The following C12orf42 variants were observed in gnomAD, a reference collection of about 807,000 sequenced individuals.
C12orf42 encodes uncharacterized protein C12orf42.
Under a neutral mutation model 21.6 loss-of-function variants are expected in C12orf42, and 25 were observed. That is an observed-to-expected ratio of 1.16 (90% CI 0.84 to 1.62). C12orf42 has a LOEUF of 1.62. C12orf42 is among the 40% of genes most tolerant of loss of function. C12orf42 has a pLI of 0.00. For synonymous variants in C12orf42, 174 were observed against 175.0 expected, an observed-to-expected ratio of 0.99 and a Z score of 0.05; for missense variants, 483 against 459.3, an observed-to-expected ratio of 1.05 and a Z score of -0.47.
At chr12:103,181,661 A>G in the C12orf42 span, among the ~76,000 whole-genome samples, 1 of 152,378 alleles carries the variant, frequency 6.6e-6, no homozygotes, top group Admixed American at 6.5e-5. Context: ...CTGTGAAAGT[A>G]CCAGAATGAT....
the C12orf42 span, among the ~76,000 whole-genome samples, chr12:103,165,682 C>G: frequency 6.6e-6 from 1 of 152,146 alleles, no homozygotes; most frequent in Non-Finnish European, 1.5e-5. Flanking sequence ...AAATAGCAGT[C>G]ACAAAGCCAG....
At chr12:103,118,726 A>T in the C12orf42 span, among the ~76,000 whole-genome samples, 1 of 136,716 alleles carries the variant, frequency 7.3e-6, no homozygotes, top group East Asian at 2.4e-4. Context: ...TGAGCCCGGA[A>T]GGCAGAGCTT....
At chr12:103,439,392 A>C (rs1401533105) in intron 2 of C12orf42, among the ~76,000 whole-genome samples, 1,802 of 149,232 alleles carry the variant, frequency 0.012, 47 homozygotes, top group African/African-American at 0.042. Flanking sequence ...GCAACAAAAG[A>C]CAAAATTGAC....
At chr12:103,358,833 C>T (rs1010053338) in intron 4 of C12orf42, among the ~76,000 whole-genome samples, 1 of 152,058 alleles carries the variant, frequency 6.6e-6, no homozygotes, top group African/African-American at 2.4e-5. Flanking sequence ...TTCCCCCCTA[C>T]AATTAATTAT....
chr12:103,131,200 T>C, the C12orf42 span, among the ~76,000 whole-genome samples: 1 of 152,180 alleles, frequency 6.6e-6, no homozygotes. Flanking sequence ...AAGAGAAGAC[T>C]AAAATTTCCT....
chr12:103,492,680 T>C (rs1955257460), intron 1 of C12orf42, among the ~76,000 whole-genome samples: 1 of 152,112 alleles, frequency 6.6e-6, no homozygotes, highest in Non-Finnish European at 1.5e-5. Context: ...GCCCAGCTCA[T>C]CCCTTCATCC....
chr12:103,395,041 T>G (rs1468790410), intron 3 of C12orf42, among the ~76,000 whole-genome samples: 2 of 152,316 alleles, frequency 1.3e-5, no homozygotes, highest in East Asian at 3.9e-4. Flanking sequence ...ACATCTACAT[T>G]GTACCAGCAT....
At chr12:103,544,290 A>T in the C12orf42 span, among the ~76,000 whole-genome samples, 1 of 152,142 alleles carries the variant, frequency 6.6e-6, no homozygotes, top group African/African-American at 2.4e-5. Context: ...CTGCTGGGTA[A>T]TTCTAAGTTG....
At chr12:103,206,551 TA>T in the C12orf42 span, among the ~76,000 whole-genome samples, 1 of 150,540 alleles carries the variant, frequency 6.6e-6, no homozygotes, top group Non-Finnish European at 1.5e-5. Context: ...CACACATGAT[TA>T]AAAAGTGACT....
chr12:103,289,496 C>T (rs1463685746), intron 4 of C12orf42, among the ~76,000 whole-genome samples: 2 of 152,062 alleles, frequency 1.3e-5, no homozygotes, highest in Admixed American at 6.6e-5. Context: ...AACAATTATA[C>T]ATAAAATATA....
At chr12:103,486,882 T>C (rs1359825733) in intron 1 of C12orf42, among the ~76,000 whole-genome samples, 3 of 152,212 alleles carry the variant, frequency 2.0e-5, no homozygotes, top group African/African-American at 7.2e-5. Context: ...AGTCTATCAA[T>C]TTTATTGATC....
At chr12:103,421,435 G>A (rs566494581) in intron 2 of C12orf42, among the ~76,000 whole-genome samples, 4 of 151,948 alleles carry the variant, frequency 2.6e-5, no homozygotes, top group Admixed American at 2.0e-4. Context: ...TTACCTGAGT[G>A]TGGTGGTGTG....
intron 1 of C12orf42, among the ~76,000 whole-genome samples, chr12:103,486,584 C>T (rs763610262): frequency 3.3e-5 from 5 of 152,218 alleles, no homozygotes; most frequent in East Asian, 1.9e-4. Flanking sequence ...TGAATCCATC[C>T]GGTCCTGCAC....
At chr12:103,090,785 G>A in the C12orf42 span, among the ~76,000 whole-genome samples, 11 of 152,038 alleles carry the variant, frequency 7.2e-5, no homozygotes, top group African/African-American at 1.7e-4. Flanking sequence ...GAGAGAGGAC[G>A]TGGATTCTTT....
intron 2 of C12orf42, among the ~76,000 whole-genome samples, chr12:103,457,924 T>C (rs958898019): frequency 6.6e-6 from 1 of 152,164 alleles, no homozygotes; most frequent in African/African-American, 2.4e-5. Flanking sequence ...CCTGAAAATA[T>C]TGAACTAATG....
chr12:103,147,493 CTTTTTTTTTCTT>C, the C12orf42 span, among the ~76,000 whole-genome samples: 63 of 84,964 alleles, frequency 7.4e-4, no homozygotes, highest in African/African-American at 3.2e-3. Context: ...TTCTTTTTTT[CTTTTTTTTTCTT>C]TTTTTTTTTT....
At chr12:103,561,097 C>T in the C12orf42 span, among the ~76,000 whole-genome samples, 1 of 152,182 alleles carries the variant, frequency 6.6e-6, no homozygotes, top group East Asian at 1.9e-4. Flanking sequence ...GGAATCCTCT[C>T]TCCCCCAGGG....
the C12orf42 span, among the ~76,000 whole-genome samples, chr12:103,508,525 A>G: frequency 6.6e-6 from 1 of 152,216 alleles, no homozygotes; most frequent in African/African-American, 2.4e-5. Context: ...CAGTCAATAT[A>G]TGACTGACGG....
intron 4 of C12orf42, among the ~76,000 whole-genome samples, chr12:103,355,676 T>C (rs763849857): frequency 6.6e-6 from 1 of 152,088 alleles, no homozygotes; most frequent in Non-Finnish European, 1.5e-5. Context: ...CCAATAGCCT[T>C]ACCACCTCCT....
Sources: gnomAD v4.1 joint callset for allele counts (sites outside exome capture counted in the v4.1 genomes callset) on GRCh38, gnomAD v4.1.1 for gene constraint, MANE v1.5 for transcripts, NCBI Gene and HGNC (gene_info 2026-07-23, HGNC 2026-07-21) for gene names.